The following CRYBB2 variants were observed in gnomAD, a reference collection of about 807,000 sequenced individuals.
CRYBB2 encodes the protein crystallin beta B2.
In CRYBB2, 12 loss-of-function variants were observed where a neutral mutation model predicts 24.3. The observed-to-expected ratio is 0.49, with a 90% CI of 0.32 to 0.80. CRYBB2 has a LOEUF of 0.80. Among genes scored for constraint, CRYBB2 ranks in the 30% least tolerant of loss-of-function variants. The probability of loss-of-function intolerance (pLI) is 0.04; values close to 1 mark genes in which losing one functional copy is unlikely to be tolerated. For synonymous variants in CRYBB2, 98 were observed against 101.6 expected, an observed-to-expected ratio of 0.96 and a Z score of 0.21; for missense variants, 198 against 268.5, an observed-to-expected ratio of 0.74 and a Z score of 1.83.
At chr22:25,212,987 G>A (rs1019804546) in intron 1 of CRYBB2, 1 of 152,154 alleles carries the variant, frequency 6.6e-6, no homozygotes, top group Non-Finnish European at 1.5e-5. Context: ...AGGAATAATT[G>A]CCTAACTGCT....
intron 2 of CRYBB2, among the ~76,000 whole-genome samples, chr22:25,222,247 A>T (rs1826072566): frequency 6.6e-6 from 1 of 152,154 alleles, no homozygotes; most frequent in African/African-American, 2.4e-5. Context: ...ACAGCCCCTC[A>T]CCTGCTCACC....
upstream of CRYBB2, among the ~76,000 whole-genome samples, chr22:25,219,190 CAG>C (rs1282732780): frequency 6.6e-6 from 1 of 152,188 alleles, no homozygotes; most frequent in Non-Finnish European, 1.5e-5. Flanking sequence ...TCCCCTGGAA[CAG>C]AGATTGTCAC....
chr22:25,218,777 G>GAGAGAGAGAAAGAAAGAA (rs1935250182), upstream of CRYBB2, among the ~76,000 whole-genome samples: 1 of 26,060 alleles, frequency 3.8e-5, no homozygotes, highest in Non-Finnish European at 6.5e-5. Context: ...GAGAGAGAGA[G>GAGAGAGAGAAAGAAAGAA]AGAAGAAAGA....
Position 25,227,849 on chromosome 22 carries a change from G to A in CRYBB2, c.174-4G>A. Reference sequence around the variant, plus strand: ...TGCCCCCTTTCTCTCTGTCTCCATGGCAGCTGGGTGGGCTATGAACAGGCC... The same window carrying A: ...TGCCCCCTTTCTCTCTGTCTCCATGACAGCTGGGTGGGCTATGAACAGGCC... On this transcript the variant is annotated splice_region_variant and splice_polypyrimidine_tract_variant and intron_variant, in intron 3 of 5. Transcript: ENST00000398215. 2 of 1,614,128 alleles carry A rather than the reference G, an allele frequency of 1.2e-6. No individual in the cohort carries two copies. Among genetic ancestry groups the A allele is most frequent in the Non-Finnish European group, 1.7e-6 (2 of 1,180,042 alleles).
chr22:25,219,814 G>A (rs1215944569), intron 1 of CRYBB2, 148 bp downstream of exon 1: 1 of 152,210 alleles, frequency 6.6e-6, no homozygotes, highest in East Asian at 1.9e-4. Context: ...TAACTGGGAA[G>A]GGGGTTAAAA....
chr22:25,229,356 C>A (rs1469491391), intron 4 of CRYBB2, 80 bp from the exon 5 acceptor site: 37 of 1,528,200 alleles, frequency 2.4e-5, no homozygotes, highest in Non-Finnish European at 2.7e-6. Context: ...GATCCCAACT[C>A]TGGGGCATGA....
At chr22:25,218,786 GAA>G (rs1377014091), upstream of CRYBB2, among the ~76,000 whole-genome samples, 1 of 67,770 alleles carries the variant, frequency 1.5e-5, no homozygotes, top group African/African-American at 7.3e-5. Flanking sequence ...AGAGAAGAAA[GAA>G]AGAAAGAAAG....
upstream of CRYBB2, among the ~76,000 whole-genome samples, chr22:25,218,726 GAGAGAGA>G (rs1569015891): frequency 1.2e-3 from 113 of 91,026 alleles, 9 homozygotes; most frequent in African/African-American, 5.0e-3. Flanking sequence ...GAGAGAGAGA[GAGAGAGA>G]GGGGAGAGAG....
chr22:25,219,362 C>T (rs1475466473), upstream of CRYBB2, among the ~76,000 whole-genome samples: 1 of 152,182 alleles, frequency 6.6e-6, no homozygotes, highest in African/African-American at 2.4e-5. Flanking sequence ...TACCAGTGAA[C>T]CCAGCGTACC....
intron 5 of CRYBB2, among the ~76,000 whole-genome samples, chr22:25,230,221 A>G (rs1430742335): frequency 2.0e-5 from 3 of 148,478 alleles, no homozygotes; most frequent in African/African-American, 5.0e-5. Context: ...CAGTGGAATG[A>G]TCTTGGCTCA....
At chr22:25,228,924 G>C (rs965467024) in intron 4 of CRYBB2, among the ~76,000 whole-genome samples, 18 of 152,174 alleles carry the variant, frequency 1.2e-4, no homozygotes, top group Admixed American at 2.0e-4. Context: ...GTGTGTACAT[G>C]TGTGGGTGTG....
Position 25,229,497 on chromosome 22 carries a change from A to T in CRYBB2, c.368A>T (p.Glu123Val). 2 of 1,614,034 alleles carry T rather than the reference A, an allele frequency of 1.2e-6. No homozygotes were observed. Among genetic ancestry groups the T allele is most frequent in the Non-Finnish European group, 1.7e-6 (2 of 1,179,972 alleles). Residue 123 changes from glutamate (E) to valine (V), a missense_variant, in exon 5 of 6, where the codon GAA becomes GTA. Coordinates refer to ENST00000398215, the MANE Select transcript of CRYBB2 (RefSeq NM_000496.3). ...CCCAACTTCACCGGGAAGAAGATGG[A>T]AATCATAGATGACGATGTACCCAGC... is the stretch of plus-strand genomic sequence containing the variant. The part of the protein sequence containing the change: ...ENPNFTGKKM[E>V]IIDDDVPSFH...
chr22:25,216,779 C>T (rs1409283982), upstream of CRYBB2, among the ~76,000 whole-genome samples: 1 of 152,186 alleles, frequency 6.6e-6, no homozygotes, highest in Non-Finnish European at 1.5e-5. Context: ...CAATAACTCC[C>T]CATTCCCCGC....
At chr22:25,228,977 T>C (rs1935474456) in intron 4 of CRYBB2, among the ~76,000 whole-genome samples, 1 of 150,406 alleles carries the variant, frequency 6.6e-6, no homozygotes, top group Non-Finnish European at 1.5e-5. Context: ...CATGTGTGTG[T>C]GCACGCATGT....
upstream of CRYBB2, among the ~76,000 whole-genome samples, chr22:25,218,735 GGGAGAGAGAGAGAGAGAGAGAGAGAGA>G: frequency 2.4e-5 from 1 of 41,470 alleles, no homozygotes; most frequent in Non-Finnish European, 4.0e-5. Context: ...AGAGAGAGAG[GGGAGAGAGAGAGAGAGAGAGAGAGAGA>G]GAGAGAGAGA....
intron 3 of CRYBB2, 77 bp from the exon 4 acceptor site, chr22:25,227,776 C>T (rs1935446458): frequency 2.6e-5 from 42 of 1,610,302 alleles, no homozygotes; most frequent in Non-Finnish European, 3.5e-5. Context: ...TAGGGGTCAA[C>T]ATCAGTAGCC....
intron 4 of CRYBB2, 78 bp downstream of exon 4, chr22:25,228,063 G>T (rs1935454222): frequency 1.2e-6 from 2 of 1,605,048 alleles, no homozygotes; most frequent in South Asian, 2.2e-5. Flanking sequence ...TGGAGCTGGA[G>T]GTCTGGGGAC....
intron 2 of CRYBB2, 24 bp downstream of exon 2, chr22:25,221,507 G>A: frequency 6.4e-7 from 1 of 1,574,230 alleles, no homozygotes; most frequent in South Asian, 1.1e-5. Flanking sequence ...AGAGGAGGGG[G>A]CATGCAATGC....
upstream of CRYBB2, among the ~76,000 whole-genome samples, chr22:25,214,863 G>T (rs1460442640): frequency 6.6e-6 from 1 of 152,184 alleles, no homozygotes; most frequent in Non-Finnish European, 1.5e-5. Flanking sequence ...GTGAGCCTTT[G>T]GGCAAGAAAG....
Sources: allele counts gnomAD v4.1 joint callset (sites outside exome capture counted in the v4.1 genomes callset), GRCh38; gene constraint gnomAD v4.1.1; transcripts MANE v1.5; gene names NCBI Gene and HGNC (gene_info 2026-07-23, HGNC 2026-07-21).